Variants in SGCZ observed in about 807,000 individuals in gnomAD.
SGCZ encodes the protein sarcoglycan zeta.
In SGCZ, 40 loss-of-function variants were observed where a neutral mutation model predicts 41.3. The observed-to-expected ratio is 0.97, with a 90% CI of 0.75 to 1.26. The LOEUF is 1.26. Among genes scored for constraint, SGCZ ranks in the 50% most tolerant of loss-of-function variants. The probability of loss-of-function intolerance (pLI) is 0.00; values close to 1 mark genes in which losing one functional copy is unlikely to be tolerated. For synonymous variants in SGCZ, 206 were observed against 137.5 expected (o/e 1.50, Z -3.49); for missense variants, 552 against 369.8 (o/e 1.49, Z -4.04).
intron 1 of SGCZ, among the ~76,000 whole-genome samples, chr8:14,994,293 G>C (rs12547159): frequency 0.64 from 97,362 of 151,956 alleles, 31,503 homozygotes; most frequent in Non-Finnish European, 0.66. Context: ...GCTTTAAGAT[G>C]CATGAGGGGG....
chr8:14,170,230 G>GA (rs1349360684), intron 4 of SGCZ, among the ~76,000 whole-genome samples: 1 of 151,862 alleles, frequency 6.6e-6, no homozygotes, highest in Non-Finnish European at 1.5e-5. Flanking sequence ...TTAATTAAAA[G>GA]AAAAAATATG....
intron 1 of SGCZ, among the ~76,000 whole-genome samples, chr8:15,205,950 C>G (rs573805062): frequency 6.6e-6 from 1 of 152,178 alleles, no homozygotes; most frequent in Admixed American, 6.5e-5. Flanking sequence ...ATGGGTGAAG[C>G]TGGAGGCTAC....
At chr8:14,478,225 G>A (rs1801417642) in intron 2 of SGCZ, among the ~76,000 whole-genome samples, 2 of 152,298 alleles carry the variant, frequency 1.3e-5, no homozygotes, top group South Asian at 2.1e-4. Context: ...ACAGGTCCTC[G>A]CTAAAACCAG....
At chr8:14,437,597 G>A (rs1426951897) in intron 2 of SGCZ, among the ~76,000 whole-genome samples, 2 of 151,834 alleles carry the variant, frequency 1.3e-5, no homozygotes, top group East Asian at 1.9e-4. Context: ...AAAATTTTCT[G>A]TTTTAATTTT....
chr8:14,484,870 T>C (rs985170568), intron 2 of SGCZ, among the ~76,000 whole-genome samples: 2 of 152,198 alleles, frequency 1.3e-5, no homozygotes, highest in African/African-American at 4.8e-5. Context: ...TGTTGCTTCA[T>C]AGTATAATAA....
chr8:14,941,905 A>G (rs1182797594), intron 1 of SGCZ, among the ~76,000 whole-genome samples: 1 of 151,684 alleles, frequency 6.6e-6, no homozygotes, highest in African/African-American at 2.4e-5. Context: ...TGGCAAAAGT[A>G]GTTCGAAGGA....
chr8:14,381,702 C>G (rs920649703), intron 2 of SGCZ, among the ~76,000 whole-genome samples: 15 of 151,894 alleles, frequency 9.9e-5, no homozygotes, highest in African/African-American at 3.6e-4. Flanking sequence ...GAAAGGGTCT[C>G]TTGAGCCCAG....
At chr8:14,635,710 G>T (rs1312984501) in intron 1 of SGCZ, among the ~76,000 whole-genome samples, 1 of 151,736 alleles carries the variant, frequency 6.6e-6, no homozygotes, top group Non-Finnish European at 1.5e-5. Flanking sequence ...GGTGGAAGCC[G>T]TGTTCCAACT....
At chr8:14,455,995 G>C (rs1317643952) in intron 2 of SGCZ, among the ~76,000 whole-genome samples, 1 of 152,144 alleles carries the variant, frequency 6.6e-6, no homozygotes, top group Admixed American at 6.5e-5. Flanking sequence ...GAGGGGATGC[G>C]GAGTGACTGT....
At chr8:14,702,312 T>G (rs1809164160) in intron 1 of SGCZ, among the ~76,000 whole-genome samples, 1 of 151,922 alleles carries the variant, frequency 6.6e-6, no homozygotes, top group South Asian at 2.1e-4. Context: ...ACACTTTTCT[T>G]GCGCCGACAT....
At chr8:14,848,928 T>C (rs1013503597) in intron 1 of SGCZ, among the ~76,000 whole-genome samples, 1 of 152,072 alleles carries the variant, frequency 6.6e-6, no homozygotes, top group Admixed American at 6.6e-5. Context: ...AAGGATGAAA[T>C]CTGTGTAAAG....
At chr8:14,552,961 C>G (rs961102164) in intron 2 of SGCZ, among the ~76,000 whole-genome samples, 1 of 151,930 alleles carries the variant, frequency 6.6e-6, no homozygotes, top group Non-Finnish European at 1.5e-5. Flanking sequence ...TAGAGAAAAT[C>G]ATATTACTGA....
chr8:14,675,627 G>C (rs887981442), intron 1 of SGCZ, among the ~76,000 whole-genome samples: 2 of 152,162 alleles, frequency 1.3e-5, no homozygotes, highest in South Asian at 4.2e-4. Context: ...TGCTTGCCCA[G>C]GTGCTGGAAA....
intron 1 of SGCZ, among the ~76,000 whole-genome samples, chr8:14,564,570 C>A (rs1050274325): frequency 6.6e-6 from 1 of 152,110 alleles, no homozygotes; most frequent in African/African-American, 2.4e-5. Context: ...GTACTCTTTT[C>A]ATTTTAACTA....
intron 2 of SGCZ, among the ~76,000 whole-genome samples, chr8:14,447,243 G>A (rs766796290): frequency 4.6e-5 from 7 of 152,136 alleles, no homozygotes; most frequent in African/African-American, 7.2e-5. Flanking sequence ...ATCAAGTAAA[G>A]AAGTCATCAG....
chr8:14,746,856 T>C (rs1011786336), intron 1 of SGCZ, among the ~76,000 whole-genome samples: 2 of 152,202 alleles, frequency 1.3e-5, no homozygotes, highest in African/African-American at 4.8e-5. Flanking sequence ...GTAATGTTTT[T>C]TAACATAAGC....
At chr8:15,103,954 G>C (rs1485042785) in intron 1 of SGCZ, among the ~76,000 whole-genome samples, 1 of 152,122 alleles carries the variant, frequency 6.6e-6, no homozygotes, top group African/African-American at 2.4e-5. Flanking sequence ...AGCAATCCAG[G>C]CAACAGAAAT....
At chr8:14,609,541 A>G (rs1239474791) in intron 1 of SGCZ, among the ~76,000 whole-genome samples, 1 of 152,250 alleles carries the variant, frequency 6.6e-6, no homozygotes, top group African/African-American at 2.4e-5. Flanking sequence ...GGTAAATTTT[A>G]TCCTCAATTT....
intron 1 of SGCZ, among the ~76,000 whole-genome samples, chr8:14,789,304 C>T (rs903521500): frequency 6.6e-6 from 1 of 152,304 alleles, no homozygotes; most frequent in South Asian, 2.1e-4. Flanking sequence ...ATGTCTGCCT[C>T]ATTCAACCTC....
Sources: allele counts gnomAD v4.1 joint callset (sites outside exome capture counted in the v4.1 genomes callset), GRCh38; gene constraint gnomAD v4.1.1; transcripts MANE v1.5; gene names NCBI Gene and HGNC (gene_info 2026-07-23, HGNC 2026-07-21).